Variants in GRTP1 observed in about 807,000 individuals in gnomAD.
GRTP1 encodes growth hormone regulated TBC protein 1, also known as growth hormone-regulated TBC protein 1.
Under a neutral mutation model 38.1 loss-of-function variants are expected in GRTP1, and 56 were observed. The ratio of observed to expected loss-of-function variants is 1.47; its 90% CI spans 1.19 to 1.84. GRTP1 has a LOEUF of 1.84. Among genes scored for constraint, GRTP1 ranks in the 40% most tolerant of loss-of-function variants. The pLI is 0.00. For missense variants in GRTP1, 506 were observed against 453.9 expected (o/e 1.11, Z -1.04); for synonymous variants, 217 against 189.5 (o/e 1.14, Z -1.19).
At chr13:113,345,372 C>T (rs182485894) in intron 4 of GRTP1, among the ~76,000 whole-genome samples, 16 of 152,334 alleles carry the variant, frequency 1.1e-4, no homozygotes, top group Admixed American at 2.0e-4. Context: ...TGTGCTGACA[C>T]GCGGGTGTTA....
chr13:113,363,374 A>C (rs992936727), intron 2 of GRTP1, among the ~76,000 whole-genome samples: 17 of 151,868 alleles, frequency 1.1e-4, no homozygotes, highest in African/African-American at 3.9e-4. Context: ...CGCCCGGCTA[A>C]TTTTGTATTT....
At chr13:113,363,059 T>C (rs1407508465) in intron 2 of GRTP1, among the ~76,000 whole-genome samples, 1 of 151,958 alleles carries the variant, frequency 6.6e-6, no homozygotes, top group East Asian at 1.9e-4. Context: ...AAGGCAGAAA[T>C]GAGGAGGTGC....
At chr13:113,328,383 T>A (rs1392239822) in intron 5 of GRTP1, among the ~76,000 whole-genome samples, 1 of 152,226 alleles carries the variant, frequency 6.6e-6, no homozygotes, top group Non-Finnish European at 1.5e-5. Flanking sequence ...TGGCTGTGGC[T>A]TCCTCCTACT....
In GRTP1 at chr13:113,325,790, C is replaced by G; in HGVS notation, c.792G>C (p.Arg264=). ...LFNEGSKIIF[R]VALTLIKQHQ... is the part of the protein sequence containing the mutation. The stretch of plus-strand genomic sequence containing the variant: ...GCTGCTTAATTAAGGTCAGGGCCAC[C>G]CGGAAGATAATCTTCGAGCCTTCGT... Residue 264 remains arginine (R), a synonymous_variant, in exon 7 of 8, where the codon CGG becomes CGC. Transcript: ENST00000375431. The G allele has an allele frequency of 1.9e-6, 3 of 1,614,182 alleles. No homozygotes were observed. The highest frequency in any genetic ancestry group is 2.5e-6 in the Non-Finnish European group (3 of 1,180,008).
rs148406263 is a variant in GRTP1 at position 113,333,984 on chromosome 13, G to A, written c.563-7893C>T. 0.012 allele frequency among the ~76,000 whole-genome samples: 1,845 copies of A among 151,634 alleles called. 76 individuals are homozygous for A. The East Asian group carries it at 0.13, about 11-fold the overall frequency. On this transcript the variant is annotated intron_variant, in intron 5 of 7. Coordinates refer to ENST00000375431, the MANE Select transcript of GRTP1 (RefSeq NM_024719.4). ...TGAGTAGCTGGGATTATAGGTGTGC[G>A]CCACCATGCCTGGCTAATTTTTGTA...
At chr13:113,339,946 G>A (rs563090427) in intron 5 of GRTP1, 1 of 152,262 alleles carries the variant, frequency 6.6e-6, no homozygotes, top group Admixed American at 6.5e-5. Flanking sequence ...ATGGTGTGAA[G>A]GCTATACTAG....
At chr13:113,331,096 G>A (rs2042864063) in intron 5 of GRTP1, among the ~76,000 whole-genome samples, 1 of 152,050 alleles carries the variant, frequency 6.6e-6, no homozygotes, top group South Asian at 2.1e-4. Context: ...GAGCCCAGGT[G>A]TGTGCATGGG....
chr13:113,355,071 G>A (rs1259651193), intron 3 of GRTP1: 13 of 421,178 alleles, frequency 3.1e-5, no homozygotes, highest in Non-Finnish European at 4.3e-5. Flanking sequence ...TCTTCATGGA[G>A]CGCATCTGCT....
At position 113,339,665 on chromosome 13, in the gene GRTP1, A is replaced by G. The variant is rs1189934629; in HGVS notation, c.562+5198T>C. 2.6e-5 allele frequency: 4 copies of G among 152,324 alleles called. No homozygotes were observed. The East Asian group carries it at 5.8e-4, about 22-fold the overall frequency. The allele number at this position is 152,324 out of a possible 1,614,324, so 9.4% of individuals were successfully genotyped here. On this transcript the variant is annotated intron_variant, in intron 5 of 7. Transcript: ENST00000375431. ...TGGTTGATTTCTATCTGGCTTCGCAATTTTGTTCCATTGGTCTGTTTATCC... is the reference window on the plus strand; with the variant it reads ...TGGTTGATTTCTATCTGGCTTCGCAGTTTTGTTCCATTGGTCTGTTTATCC...
In GRTP1 at chr13:113,324,494, CT is replaced by C; in HGVS notation, c.1004del (p.Gln335ArgfsTer15). ...RESCRARLLAQG is the reference protein window; with the variant it reads ...RESCRARLLAXG ...ACGCAGGGGACAGGCACGCTCACCC[CT>C]GTGCCAGCAGCCGGGCCCTGCAGCT... On this transcript the variant is annotated frameshift_variant, in exon 8 of 8. Transcript: ENST00000375431. LOFTEE classifies it high-confidence loss of function. 1.2e-6 allele frequency: 2 copies of C among 1,609,052 alleles called. No homozygotes were observed. The highest frequency in any genetic ancestry group is 1.7e-6 in the Non-Finnish European group (2 of 1,177,980).
chr13:113,355,401 T>G lies in GRTP1; in HGVS notation c.262A>C (p.Met88Leu). The change falls in exon 3 of 8, where the codon ATG becomes CTG. Residue 88 changes from methionine (M) to leucine (L), a missense_variant. Coordinates refer to ENST00000375431, the MANE Select transcript of GRTP1 (RefSeq NM_024719.4). ...TGGTAGTAGCCGGGATTCTGGTCCA[T>G]CTGCGCCTGGGCCCCACTCAGCACC... The part of the protein sequence containing the change: ...WMVLSGAQAQ[M>L]DQNPGYYHQL... 6.2e-7 allele frequency: 1 copy of G among 1,614,124 alleles called. No homozygotes were observed. Among genetic ancestry groups the G allele is most frequent in the Non-Finnish European group, 8.5e-7 (1 of 1,180,004 alleles).
At chr13:113,336,392 G>T (rs952903989) in intron 5 of GRTP1, among the ~76,000 whole-genome samples, 2 of 149,136 alleles carry the variant, frequency 1.3e-5, no homozygotes, top group African/African-American at 5.0e-5. Flanking sequence ...CTAGGTGTAA[G>T]ATTCAGTCCC....
chr13:113,361,151 G>C (rs2043489497), intron 2 of GRTP1, among the ~76,000 whole-genome samples: 2 of 136,110 alleles, frequency 1.5e-5, no homozygotes, highest in African/African-American at 2.7e-5. Flanking sequence ...AAAGAAGAAA[G>C]TTGTTACTTC....
rs191127584 is a variant in GRTP1, at chr13:113,343,067, C to T, written c.562+1796G>A. Among the ~76,000 whole-genome samples, 466 of 152,150 alleles carry T rather than the reference C, an allele frequency of 3.1e-3. 12 individuals carry two copies. Among genetic ancestry groups the T allele is most frequent in the Non-Finnish European group, 1.2e-3 (80 of 67,990 alleles). The stretch of plus-strand genomic sequence containing the variant: ...CACCGATGTTTCCCACACCCCTGAA[C>T]GGCGCCCAGAACACGATAGGTTTTC... On this transcript the variant is annotated intron_variant, in intron 5 of 7. Coordinates refer to ENST00000375431, the MANE Select transcript of GRTP1 (RefSeq NM_024719.4). This position sits in a 1 kb window ranked among gnomAD's most constrained non-coding sequence, Gnocchi z 4.8.
At chr13:113,356,396 T>C (rs999843726) in intron 2 of GRTP1, among the ~76,000 whole-genome samples, 2 of 152,018 alleles carry the variant, frequency 1.3e-5, no homozygotes, top group Admixed American at 6.6e-5. Flanking sequence ...GCCTCCTGAG[T>C]AGCTGGGATT....
rs747104817 is a variant in GRTP1 at position 113,325,836 on chromosome 13, C to G, written c.746G>C (p.Arg249Pro). ...TTCGTTAAACAAACAGTCCCAGATCCGAAGCACTGTCTGCAGAGACATGGG... is the reference window on the plus strand; with the variant it reads ...TTCGTTAAACAAACAGTCCCAGATCGGAAGCACTGTCTGCAGAGACATGGG... ...VDILPVETVL[R>P]IWDCLFNEGS... Residue 249 changes from arginine (R) to proline (P), a missense_variant, in exon 7 of 8, where the codon CGG becomes CCG. Physicochemically the swap from Arg to Pro is moderately radical, Grantham distance 103 (BLOSUM62 -2). Transcript: ENST00000375431. 5 of 1,613,404 alleles carry G rather than the reference C, an allele frequency of 3.1e-6. No homozygotes were observed. The Admixed American group carries it at 5.0e-5, about 16-fold the overall frequency.
intron 5 of GRTP1, among the ~76,000 whole-genome samples, chr13:113,330,470 A>G (rs1298933648): frequency 1.3e-5 from 1 of 79,588 alleles, no homozygotes; most frequent in Non-Finnish European, 2.4e-5. Context: ...GTGCATAAAA[A>G]CCCAGGTGTG....
rs2043210113 is a variant in GRTP1, at chr13:113,348,650, A to T, written c.465+2199T>A. Reference sequence around the variant, plus strand: ...GTGTCCTTGTCTTACGTGGAGCTTTAGACACAGGCATGCACAGGAGAACGC... The same window carrying T: ...GTGTCCTTGTCTTACGTGGAGCTTTTGACACAGGCATGCACAGGAGAACGC... On this transcript the variant is annotated intron_variant, in intron 4 of 7. Transcript: ENST00000375431. This position sits in a 1 kb window ranked among gnomAD's most constrained non-coding sequence, Gnocchi z 4.8. Among the ~76,000 whole-genome samples the T allele has an allele frequency of 6.6e-6, 1 of 152,230 alleles. No individual in the cohort carries two copies. The highest frequency in any genetic ancestry group is 1.9e-4 in the East Asian group (1 of 5,172).
At chr13:113,363,348 C>T (rs997942561) in intron 2 of GRTP1, among the ~76,000 whole-genome samples, 4 of 152,372 alleles carry the variant, frequency 2.6e-5, no homozygotes, top group Middle Eastern at 3.4e-3. Flanking sequence ...GCTGGGACTA[C>T]AGGCAGGAGC....
Sources: allele counts gnomAD v4.1 joint callset (sites outside exome capture counted in the v4.1 genomes callset), GRCh38; gene constraint gnomAD v4.1.1; non-coding constraint Gnocchi (gnomAD v3.1); transcripts MANE v1.5; gene names NCBI Gene and HGNC (gene_info 2026-07-23, HGNC 2026-07-21).